Variants in DYDC2 observed in about 807,000 individuals in gnomAD.
The protein encoded by DYDC2 is DPY30 domain-containing protein 2.
Under a neutral mutation model 18.7 loss-of-function variants are expected in DYDC2, and 19 were observed. That is an observed-to-expected ratio of 1.02 (90% CI 0.71 to 1.49). DYDC2 has a LOEUF of 1.49. DYDC2 is among the 40% of genes most tolerant of loss of function. DYDC2 has a pLI of 0.00. For missense variants in DYDC2, 179 were observed against 205.1 expected, an observed-to-expected ratio of 0.87 and a Z score of 0.78; for synonymous variants, 63 against 67.6, an observed-to-expected ratio of 0.93 and a Z score of 0.34.
chr10:80,356,762 C>G (rs1489355082), upstream of DYDC2: 1 of 985,422 alleles, frequency 1.0e-6, no homozygotes, highest in Non-Finnish European at 1.2e-6. Context: ...CGTTGCCAGG[C>G]AACGAGAGCT....
intron 2 of DYDC2, among the ~76,000 whole-genome samples, chr10:80,358,838 G>A (rs1348471532): frequency 6.6e-6 from 1 of 152,190 alleles, no homozygotes; most frequent in African/African-American, 2.4e-5. Context: ...AGTTCTTAAA[G>A]GCGGCGTGTC....
At chr10:80,360,465 T>A (rs1436049413) in intron 2 of DYDC2, among the ~76,000 whole-genome samples, 1 of 152,204 alleles carries the variant, frequency 6.6e-6, no homozygotes, top group African/African-American at 2.4e-5. Flanking sequence ...TTGTTCCTAC[T>A]CAGATAATCC....
chr10:80,367,201 G>A lies in DYDC2; in HGVS notation c.*250G>A. The A allele has an allele frequency of 2.4e-6, 1 of 414,576 alleles. No individual in the cohort carries two copies. The highest frequency in any genetic ancestry group is 4.2e-6 in the Non-Finnish European group (1 of 236,648). 25.7% of individuals were successfully genotyped at this position (414,576 alleles called of 1,614,324 possible). On this transcript the variant is annotated 3_prime_UTR_variant, in exon 5 of 5. Transcript: ENST00000256039. The stretch of plus-strand genomic sequence containing the variant: ...TTCCTCTTGTTTTATCAACGTTTTG[G>A]AGACTACACAATGAAAACACATCTG...
At chr10:80,365,405 A>G (rs1358171817) in intron 4 of DYDC2, among the ~76,000 whole-genome samples, 1 of 152,228 alleles carries the variant, frequency 6.6e-6, no homozygotes, top group Non-Finnish European at 1.5e-5. Context: ...GTAAACCATA[A>G]TTTTGTTTCT....
At chr10:80,349,300 C>T (rs1484606567) in intron 1 of DYDC2, among the ~76,000 whole-genome samples, 2 of 152,142 alleles carry the variant, frequency 1.3e-5, no homozygotes, top group African/African-American at 2.4e-5. Flanking sequence ...CAATAGTAAA[C>T]CTATCTAATA....
chr10:80,365,771 A>G (rs1176602976), intron 4 of DYDC2, among the ~76,000 whole-genome samples: 3 of 152,160 alleles, frequency 2.0e-5, no homozygotes, highest in South Asian at 2.1e-4. Flanking sequence ...ATAAACCTTC[A>G]TGTTTACTGA....
chr10:80,350,302 G>A (rs942324648), intron 1 of DYDC2, among the ~76,000 whole-genome samples: 30 of 152,256 alleles, frequency 2.0e-4, no homozygotes, highest in African/African-American at 6.5e-4. Context: ...TAAAGTAGTC[G>A]AGCCGAAGAG....
chr10:80,358,970 A>G (rs1407110336), intron 2 of DYDC2, among the ~76,000 whole-genome samples: 1 of 152,232 alleles, frequency 6.6e-6, no homozygotes, highest in African/African-American at 2.4e-5. Flanking sequence ...TCATAAAGGC[A>G]GTGCAGACCC....
intron 4 of DYDC2, among the ~76,000 whole-genome samples, chr10:80,363,464 C>G (rs1192249098): frequency 1.3e-5 from 2 of 150,646 alleles, no homozygotes; most frequent in African/African-American, 4.9e-5. Flanking sequence ...CCTGTCTCAG[C>G]CTCCCGAGTA....
intron 2 of DYDC2, among the ~76,000 whole-genome samples, chr10:80,359,166 A>G (rs1339750811): frequency 6.6e-6 from 1 of 152,120 alleles, no homozygotes; most frequent in African/African-American, 2.4e-5. Flanking sequence ...TTTTACAGAG[A>G]GCTGATTGGT....
intron 1 of DYDC2, among the ~76,000 whole-genome samples, chr10:80,348,414 G>A (rs762681088): frequency 6.6e-5 from 10 of 152,164 alleles, no homozygotes; most frequent in Non-Finnish European, 1.0e-4. Flanking sequence ...TCACTCATAT[G>A]TAAAACTTAC....
chr10:80,356,799 C>G lies in DYDC2; in HGVS notation c.-189C>G. Reference sequence around the variant, plus strand: ...GCGCCTCAGGAGCCAGTGTAGGCGCCGCAAAGCGGAAGGGGCGCGCGGATA... The same window carrying G: ...GCGCCTCAGGAGCCAGTGTAGGCGCGGCAAAGCGGAAGGGGCGCGCGGATA... On this transcript the variant is annotated 5_prime_UTR_variant, in exon 1 of 5. Coordinates refer to ENST00000256039, the MANE Select transcript of DYDC2 (RefSeq NM_032372.6). The G allele has an allele frequency of 1.0e-6, 1 of 985,678 alleles. No individual in the cohort carries two copies. The highest frequency in any genetic ancestry group is 1.2e-6 in the Non-Finnish European group (1 of 830,184). The allele number at this position is 985,678 out of a possible 1,614,324, so 61.1% of individuals were successfully genotyped here.
Position 80,345,467 on chromosome 10 carries a change from C to T in DYDC2, c.-310+652C>T, listed in dbSNP as rs116345597. Among the ~76,000 whole-genome samples, 870 of 152,228 alleles carry T rather than the reference C, an allele frequency of 5.7e-3. 8 individuals are homozygous for T. Among genetic ancestry groups the T allele is most frequent in the African/African-American group, 0.02 (834 of 41,534 alleles). On this transcript the variant is annotated intron_variant, in intron 1 of 4. Coordinates refer to the DYDC2 transcript ENST00000372197. The stretch of plus-strand genomic sequence containing the variant: ...CTACTCTCTTAAAAATTTTCCAGTA[C>T]ACAATACAATCTTATTGGCTATCAT...
In DYDC2 at chr10:80,367,611, C is replaced by CTT. The variant is rs1463724898; in HGVS notation, c.*663_*664dup. The CTT allele has an allele frequency of 2.6e-5, 4 of 152,200 alleles. No homozygotes were observed. Among genetic ancestry groups the CTT allele is most frequent in the African/African-American group, 9.7e-5 (4 of 41,434 alleles). The allele number at this position is 152,200 out of a possible 1,614,324, so 9.4% of individuals were successfully genotyped here. A position where few individuals can be genotyped will look rare whatever the true frequency, so the allele number is the denominator to read the frequency against. On this transcript the variant is annotated 3_prime_UTR_variant, in exon 5 of 5. Coordinates refer to ENST00000256039, the MANE Select transcript of DYDC2 (RefSeq NM_032372.6). ...GGACATGTTCCAAGCCCTGCCTCAA[C>CTT]TTTTCTCCCAACACTAAGCTTTCCT...
chr10:80,353,155 A>G (rs1843105417), upstream of DYDC2, among the ~76,000 whole-genome samples: 1 of 152,102 alleles, frequency 6.6e-6, no homozygotes, highest in Non-Finnish European at 1.5e-5. Context: ...CCTTTTGAAA[A>G]AAAAAAATCC....
upstream of DYDC2, chr10:80,352,710 C>T: frequency 7.3e-7 from 1 of 1,364,998 alleles, no homozygotes; most frequent in African/African-American, 1.5e-5. Flanking sequence ...ATACACCCTG[C>T]CCTCAGTCAT....
intron 2 of DYDC2, among the ~76,000 whole-genome samples, chr10:80,361,159 A>G (rs1278185859): frequency 6.6e-6 from 1 of 151,054 alleles, no homozygotes; most frequent in East Asian, 1.9e-4. Context: ...GATCTATAAC[A>G]GTTACTCTTT....
chr10:80,365,721 G>T (rs546223888), intron 4 of DYDC2, among the ~76,000 whole-genome samples: 15 of 152,170 alleles, frequency 9.9e-5, no homozygotes, highest in South Asian at 6.2e-4. Flanking sequence ...AAGCTTGTTT[G>T]TTTTTTTCCT....
intron 2 of DYDC2, among the ~76,000 whole-genome samples, chr10:80,360,761 TTC>T (rs1461858252): frequency 1.4e-5 from 2 of 146,512 alleles, no homozygotes; most frequent in Admixed American, 7.2e-5. Flanking sequence ...TTTTCTTTCT[TTC>T]TTTTTTTTTT....
Sources: gnomAD v4.1 joint callset for allele counts (sites outside exome capture counted in the v4.1 genomes callset) on GRCh38, gnomAD v4.1.1 for gene constraint, MANE v1.5 for transcripts, NCBI Gene and HGNC (gene_info 2026-07-23, HGNC 2026-07-21) for gene names.